The following TVP23A variants were observed in gnomAD, a reference collection of about 807,000 sequenced individuals.
The protein encoded by TVP23A is Golgi apparatus membrane protein TVP23 homolog A.
In TVP23A, 21 loss-of-function variants were observed where a neutral mutation model predicts 31.7. The observed-to-expected ratio is 0.66, with a 90% CI of 0.47 to 0.95. The LOEUF is 0.95. Ranked by LOEUF, TVP23A falls within the 40% of genes least tolerant of loss-of-function variation. TVP23A has a pLI of 0.00. For missense variants in TVP23A, 279 were observed against 255.6 expected (o/e 1.09, Z -0.62); for synonymous variants, 104 against 96.0 (o/e 1.08, Z -0.49).
At position 10,793,281 on chromosome 16, in the gene TVP23A, C is replaced by A. The variant is rs185928630; in HGVS notation, c.90-18185G>T. On this transcript the variant is annotated intron_variant, in intron 2 of 7. Transcript: ENST00000299866. ...ACACAGCAAGACTCTGTCTCAAAAA[C>A]ATAAAAATAAAAAAATAAAGAGACA... 5.2e-3 allele frequency among the ~76,000 whole-genome samples: 791 copies of A among 152,068 alleles called. 8 individuals are homozygous for A. Among genetic ancestry groups the A allele is most frequent in the African/African-American group, 0.018 (757 of 41,464 alleles).
At chr16:10,785,242 A>G (rs1177008866) in intron 2 of TVP23A, among the ~76,000 whole-genome samples, 1 of 152,202 alleles carries the variant, frequency 6.6e-6, no homozygotes, top group African/African-American at 2.4e-5. Flanking sequence ...TGCCTCTATT[A>G]AAAATACAAA....
At chr16:10,792,673 C>G (rs540415698) in intron 2 of TVP23A, among the ~76,000 whole-genome samples, 1 of 152,402 alleles carries the variant, frequency 6.6e-6, no homozygotes, top group South Asian at 2.1e-4. Flanking sequence ...GGGGCCTGCA[C>G]TAACCCAGGG....
At position 10,773,422 on chromosome 16, in the gene TVP23A, G is replaced by A; in HGVS notation, c.344C>T (p.Ala115Val). 6.2e-7 allele frequency: 1 copy of A among 1,608,884 alleles called. No individual in the cohort carries two copies. Among genetic ancestry groups the A allele is most frequent in the Non-Finnish European group, 8.5e-7 (1 of 1,178,748 alleles). Residue 115 changes from alanine (A) to valine (V), a missense_variant, in exon 5 of 8, where the codon GCT becomes GTT. Coordinates refer to ENST00000299866, the MANE Select transcript of TVP23A (RefSeq NM_001079512.4). ...EARKVSPNSI[A>V]ATEAEARIFW... ...GATTCGTGCTTCAGCTTCTGTGGCA[G>A]CAATGCTATTCGGAGAGACCTGTTA...
rs542736698 is a variant in TVP23A, at chr16:10,770,199, C to G, written c.*73G>C. On this transcript the variant is annotated intron_variant, in intron 7 of 7. Coordinates refer to ENST00000299866, the MANE Select transcript of TVP23A (RefSeq NM_001079512.4). Reference sequence around the variant, plus strand: ...GGGGAAGCCCACCCAGACCCCGGGCCCCTGTGCCCCAAGAGCTGCATTTTT... The same window carrying G: ...GGGGAAGCCCACCCAGACCCCGGGCGCCTGTGCCCCAAGAGCTGCATTTTT... 3.4e-5 allele frequency: 52 copies of G among 1,532,656 alleles called. No individual in the cohort carries two copies. In the African/African-American group the frequency reaches 5.8e-4, roughly 17 times the overall value. The allele number at this position is 1,532,656 out of a possible 1,614,324, so 94.9% of individuals were successfully genotyped here. A position where few individuals can be genotyped will look rare whatever the true frequency, so the allele number is the denominator to read the frequency against.
chr16:10,775,812 G>A (rs955768452), intron 2 of TVP23A, among the ~76,000 whole-genome samples: 4 of 139,870 alleles, frequency 2.9e-5, no homozygotes, highest in African/African-American at 1.1e-4. Flanking sequence ...GCAGTGGCGT[G>A]ATCTCGGTTC....
At chr16:10,761,898 G>A (rs1311526149), downstream of TVP23A, 4 of 1,521,722 alleles carry the variant, frequency 2.6e-6, no homozygotes, top group South Asian at 2.3e-5. Context: ...TCACTCCTCG[G>A]TCAGCCCCAC....
In TVP23A at chr16:10,768,998, A is replaced by G. The variant is rs978697762; in HGVS notation, c.*104T>C. 6.5e-7 allele frequency: 1 copy of G among 1,547,326 alleles called. No individual in the cohort carries two copies. The highest frequency in any genetic ancestry group is 1.7e-5 in the Admixed American group (1 of 59,886). On this transcript the variant is annotated 3_prime_UTR_variant, in exon 8 of 8. Coordinates refer to ENST00000299866, the MANE Select transcript of TVP23A (RefSeq NM_001079512.4). This position sits in a 1 kb window ranked among gnomAD's most constrained non-coding sequence, Gnocchi z 4.3. ...TCCCCAGCACAGGACAGGGCTGTCA[A>G]GGGGTAGACAAGCCATTAGCACTCT...
chr16:10,762,082 G>A, downstream of TVP23A: 1 of 481,000 alleles, frequency 2.1e-6, no homozygotes, highest in Admixed American at 3.5e-5. Flanking sequence ...TCAGGCAGAG[G>A]GGTGAGGCCT....
chr16:10,762,258 A>G (rs1042716794), downstream of TVP23A: 3 of 168,448 alleles, frequency 1.8e-5, no homozygotes, highest in Non-Finnish European at 2.6e-5. Flanking sequence ...TGCCCGGAGA[A>G]GCCAGCACGG....
At chr16:10,760,233 G>A (rs539734820), downstream of TVP23A, among the ~76,000 whole-genome samples, 80 of 152,296 alleles carry the variant, frequency 5.3e-4, no homozygotes, top group African/African-American at 1.8e-3. Flanking sequence ...CGGACCCCAC[G>A]GTCCCTGTCC....
chr16:10,770,255 C>T lies in TVP23A; in HGVS notation c.*17G>A. On this transcript the variant is annotated intron_variant, in intron 7 of 7. Transcript: ENST00000299866. The stretch of plus-strand genomic sequence containing the variant: ...TTCCCCAGTTCCTCCACACGGGTGC[C>T]ATGATCCATTTCTCACCTAATGCTG... 1 of 1,550,630 alleles carries T rather than the reference C, an allele frequency of 6.4e-7. No homozygotes were observed. Among genetic ancestry groups the T allele is most frequent in the Non-Finnish European group, 8.7e-7 (1 of 1,146,738 alleles).
Position 10,798,193 on chromosome 16 carries a change from T to C in TVP23A, c.89+19910A>G. ...CCAGGATGGTCTCGATCTCCTGACC[T>C]TGTTATCTGCCCGCCTTGGCCTCCC... is the stretch of plus-strand genomic sequence containing the variant. On this transcript the variant is annotated intron_variant, in intron 2 of 7. Transcript: ENST00000299866. 1.3e-5 allele frequency among the ~76,000 whole-genome samples: 2 copies of C among 151,970 alleles called. 1 individual carries two copies. Among genetic ancestry groups the C allele is most frequent in the East Asian group, 3.9e-4 (2 of 5,188 alleles).
Position 10,768,283 on chromosome 16 carries a change from G to A in TVP23A, c.*819C>T. ...AAATACATCCCAATAAAGGGATAAAGTAATTCATTTTTAAAAGTAACTGAT... is the reference window on the plus strand; with the variant it reads ...AAATACATCCCAATAAAGGGATAAAATAATTCATTTTTAAAAGTAACTGAT... On this transcript the variant is annotated 3_prime_UTR_variant, in exon 8 of 8. Coordinates refer to ENST00000299866, the MANE Select transcript of TVP23A (RefSeq NM_001079512.4). The surrounding 1 kb of genome is among the most constrained non-coding windows in gnomAD (Gnocchi z 4.3). 4.0e-6 allele frequency: 1 copy of A among 250,734 alleles called. No homozygotes were observed. The highest frequency in any genetic ancestry group is 7.6e-6 in the Non-Finnish European group (1 of 132,280). 15.5% of individuals were successfully genotyped at this position (250,734 alleles called of 1,614,324 possible).
chr16:10,816,946 C>T (rs2034470046), intron 2 of TVP23A, among the ~76,000 whole-genome samples: 2 of 151,844 alleles, frequency 1.3e-5, no homozygotes, highest in African/African-American at 4.8e-5. Context: ...CACACACACA[C>T]ACACACACAC....
intron 7 of TVP23A, 89 bp from the exon 8 acceptor site, chr16:10,769,190 A>T: frequency 2.4e-6 from 3 of 1,270,078 alleles, no homozygotes; most frequent in South Asian, 2.4e-5. Context: ...CAGCTCCGGG[A>T]TGGGGTGGGT....
At chr16:10,813,430 G>C (rs74978930) in intron 2 of TVP23A, among the ~76,000 whole-genome samples, 1 of 152,108 alleles carries the variant, frequency 6.6e-6, no homozygotes, top group African/African-American at 2.4e-5. Flanking sequence ...CTATACTAGC[G>C]ATTCTTAACT....
At chr16:10,813,258 A>C (rs2034283187) in intron 2 of TVP23A, among the ~76,000 whole-genome samples, 1 of 152,236 alleles carries the variant, frequency 6.6e-6, no homozygotes, top group African/African-American at 2.4e-5. Flanking sequence ...CCAGCAAAGT[A>C]AGGTGACCTG....
chr16:10,775,951 G>T (rs1456693733), intron 2 of TVP23A, among the ~76,000 whole-genome samples: 2 of 151,284 alleles, frequency 1.3e-5, no homozygotes, highest in Non-Finnish European at 2.9e-5. Context: ...ATTTCAACAT[G>T]TTGGCCAGGC....
At chr16:10,788,900 G>T (rs2032932336) in intron 2 of TVP23A, among the ~76,000 whole-genome samples, 1 of 152,210 alleles carries the variant, frequency 6.6e-6, no homozygotes, top group Non-Finnish European at 1.5e-5. Flanking sequence ...GCAGATAAGA[G>T]AGCAGGTCTC....
Sources: gnomAD v4.1 joint callset for allele counts (sites outside exome capture counted in the v4.1 genomes callset) on GRCh38, gnomAD v4.1.1 for gene constraint, Gnocchi (gnomAD v3.1) non-coding constraint, MANE v1.5 for transcripts, NCBI Gene and HGNC (gene_info 2026-07-23, HGNC 2026-07-21) for gene names.